The following LRRK2 variants were observed in gnomAD, a reference collection of about 807,000 sequenced individuals.
The protein encoded by LRRK2 is leucine-rich repeat serine/threonine-protein kinase 2.
A neutral mutation model predicts 302.6 loss-of-function variants in LRRK2; 203 were observed. The observed-to-expected ratio is 0.67, with a 90% CI of 0.60 to 0.75. The LOEUF (loss-of-function observed/expected upper bound fraction) is 0.75, where lower values mean the gene tolerates loss of function less well. Ranked by LOEUF, LRRK2 falls within the 30% of genes least tolerant of loss-of-function variation. The pLI is 0.00. For missense variants in LRRK2, 2,830 were observed against 2,951.0 expected, an observed-to-expected ratio of 0.96 and a Z score of 0.95; for synonymous variants, 1,066 against 1,031.9, an observed-to-expected ratio of 1.03 and a Z score of -0.63.
In LRRK2 at chr12:40,298,778, AATATATATAT is replaced by A. The variant is rs113272586; in HGVS notation, c.3347+297_3347+306del. On this transcript the variant is annotated intron_variant, in intron 24 of 50. Transcript: ENST00000298910. ...CAGAGGCGAGACTCTGTCTCAAAGA[AATATATATAT>A]ATATATATATAATATATGTATTATA... 9.1e-4 allele frequency among the ~76,000 whole-genome samples: 55 copies of A among 60,648 alleles called. 2 individuals carry two copies. Among genetic ancestry groups the A allele is most frequent in the African/African-American group, 3.4e-3 (55 of 16,020 alleles). The allele number at this position is 60,648 out of a possible 152,430, so 39.8% of individuals were successfully genotyped here.
At position 40,322,834 on chromosome 12, in the gene LRRK2, CAT is replaced by C. The variant is rs60750674; in HGVS notation, c.5509+325_5510-324del. On this transcript the variant is annotated intron_variant, in intron 37 of 50. Coordinates refer to ENST00000298910, the MANE Select transcript of LRRK2 (RefSeq NM_198578.4). Reference sequence around the variant, plus strand: ...ACAATACATGGACCTAATTTACCAACATGTCTGCCATATAATAACAGCTGCAG... The same window carrying C: ...ACAATACATGGACCTAATTTACCAACGTCTGCCATATAATAACAGCTGCAG... 0.15 allele frequency among the ~76,000 whole-genome samples: 22,760 copies of C among 151,994 alleles called. 1,869 individuals carry two copies. The highest frequency in any genetic ancestry group is 0.21 in the African/African-American group (8,720 of 41,458).
At position 40,359,344 on chromosome 12, in the gene LRRK2, A is replaced by C; in HGVS notation, c.6928A>C (p.Thr2310Pro). The C allele has an allele frequency of 9.3e-6, 15 of 1,613,372 alleles. No homozygotes were observed. The highest frequency in any genetic ancestry group is 1.3e-5 in the Non-Finnish European group (15 of 1,179,616). ...GTGTTTGAGTGAATCCACAAATTCA[A>C]CGGAAAGAAATGTAATGTGGGGAGG... Reference protein sequence around the residue: ...LMCLSESTNSTERNVMWGGCG... With the variant: ...LMCLSESTNSPERNVMWGGCG... The change falls in exon 47 of 51, where the codon ACG becomes CCG. Residue 2310 changes from threonine (T) to proline (P), a missense_variant. Transcript: ENST00000298910.
chr12:40,367,450 A>T (rs938761527), intron 50 of LRRK2, 194 bp from the exon 51 acceptor site: 2 of 443,832 alleles, frequency 4.5e-6, no homozygotes, highest in Non-Finnish European at 7.8e-6. Context: ...TTGAAATTTA[A>T]TAGTTTCTAT....
chr12:40,233,915 C>T (rs776868578), intron 3 of LRRK2, among the ~76,000 whole-genome samples: 1 of 152,182 alleles, frequency 6.6e-6, no homozygotes, highest in African/African-American at 2.4e-5. Context: ...GGTCAGAAAC[C>T]ATGCAGTTGT....
intron 39 of LRRK2, among the ~76,000 whole-genome samples, chr12:40,333,523 A>G (rs1318261550): frequency 6.6e-6 from 1 of 152,122 alleles, no homozygotes; most frequent in East Asian, 1.9e-4. Flanking sequence ...CAACAATGTC[A>G]TAAAAGAGGC....
Position 40,363,455 on chromosome 12 carries a change from C to G in LRRK2, c.7082C>G (p.Thr2361Ser). 1 of 1,612,094 alleles carries G rather than the reference C, an allele frequency of 6.2e-7. No homozygotes were observed. The highest frequency in any genetic ancestry group is 8.5e-7 in the Non-Finnish European group (1 of 1,178,770). The change falls in exon 48 of 51, where the codon ACT (threonine) becomes AGT (serine). Residue 2361 changes from threonine to serine, a missense_variant. Thr to Ser is a moderately conservative substitution (Grantham distance 58). This residue lies in a region of LRRK2 where 456 missense variants were observed against 456.3 expected (regional missense o/e 1.00). Transcript: ENST00000298910. ...AACATCATAACAGTGGTGGTAGACA[C>G]TGCTCTCTATATTGCTAAGCAAAAT... Reference protein sequence around the residue: ...DSNIITVVVDTALYIAKQNSP... With the variant: ...DSNIITVVVDSALYIAKQNSP...
intron 2 of LRRK2, 43 bp from the exon 3 acceptor site, chr12:40,232,231 A>G: frequency 7.2e-7 from 1 of 1,390,828 alleles, no homozygotes; most frequent in Non-Finnish European, 1.0e-6. Context: ...TGCTCTATTA[A>G]CATTCTTTAA....
At chr12:40,345,922 C>T (rs1375177499) in intron 41 of LRRK2, among the ~76,000 whole-genome samples, 1 of 152,102 alleles carries the variant, frequency 6.6e-6, no homozygotes, top group East Asian at 1.9e-4. Context: ...TTCTGTCTAT[C>T]CACGATTATG....
rs1940834977 is a variant in LRRK2, at chr12:40,225,646, G to T, written c.237+6G>T. The T allele has an allele frequency of 1.2e-6, 2 of 1,610,030 alleles. No homozygotes were observed. The highest frequency in any genetic ancestry group is 1.7e-6 in the Non-Finnish European group (2 of 1,176,484). ...GAGTCGCGAGTGTGCAGCAGGTAAAGGCATTGTTTTCACTTCAACTCATTC... is the reference window on the plus strand; with the variant it reads ...GAGTCGCGAGTGTGCAGCAGGTAAATGCATTGTTTTCACTTCAACTCATTC... On this transcript the variant is annotated splice_donor_region_variant and intron_variant, in intron 2 of 50. Coordinates refer to ENST00000298910, the MANE Select transcript of LRRK2 (RefSeq NM_198578.4).
intron 1 of LRRK2, 68 bp from the exon 2 acceptor site, chr12:40,225,487 G>T: frequency 7.0e-7 from 1 of 1,423,058 alleles, no homozygotes; most frequent in South Asian, 1.2e-5. Flanking sequence ...CCCCGTTTCA[G>T]ACTAAAAAGG....
At position 40,313,735 on chromosome 12, in the gene LRRK2, C is replaced by A. The variant is rs1945110846; in HGVS notation, c.4537-237C>A. 2.0e-5 allele frequency among the ~76,000 whole-genome samples: 3 copies of A among 151,730 alleles called. No homozygotes were observed. In the South Asian group the frequency reaches 6.2e-4, roughly 31 times the overall value. ...GGATAGCGAGATAAATATTTCCATA[C>A]TATTTTATTTGATATTTCCAAATTT... is the stretch of plus-strand genomic sequence containing the variant. On this transcript the variant is annotated intron_variant, in intron 31 of 50. Coordinates refer to ENST00000298910, the MANE Select transcript of LRRK2 (RefSeq NM_198578.4).
At chr12:40,304,689 T>C (rs993224757) in intron 27 of LRRK2, 3 of 152,480 alleles carry the variant, frequency 2.0e-5, no homozygotes, top group African/African-American at 7.2e-5. Context: ...AAGAGTGTTC[T>C]ATGGAATAGT....
intron 13 of LRRK2, among the ~76,000 whole-genome samples, chr12:40,259,998 T>G (rs1157118187): frequency 2.0e-5 from 3 of 152,170 alleles, no homozygotes; most frequent in Non-Finnish European, 4.4e-5. Context: ...ATCCTTTTCT[T>G]ACTCTATGAT....
intron 14 of LRRK2, 121 bp downstream of exon 14, chr12:40,264,022 A>G (rs865883116): frequency 8.4e-6 from 6 of 712,624 alleles, no homozygotes; most frequent in South Asian, 6.5e-5. Flanking sequence ...GGAGGAAGTC[A>G]TGTGGTTAGA....
intron 2 of LRRK2, among the ~76,000 whole-genome samples, chr12:40,226,270 A>AT (rs574193984): frequency 7.9e-5 from 12 of 151,768 alleles, no homozygotes; most frequent in Middle Eastern, 3.4e-3. Context: ...TGTATCTTGG[A>AT]TTTTTTTTTA....
Position 40,278,095 on chromosome 12 carries a change from T to C in LRRK2, c.2075T>C (p.Leu692Pro). The change falls in exon 18 of 51, where the codon CTA becomes CCA. Residue 692 changes from leucine to proline, a missense_variant. Physicochemically the swap from Leu to Pro is moderately conservative, Grantham distance 98 (BLOSUM62 -3). Around this residue, in one of 3 missense-constraint regions of LRRK2, gnomAD observed 2,121 missense variants for 2,148.0 expected, o/e 0.99. Coordinates refer to ENST00000298910, the MANE Select transcript of LRRK2 (RefSeq NM_198578.4). ...NIMEQKDQQF[L>P]NLCCKCFAKV... ...TCTCATTTCCACTCTTTTTAGTTTC[T>C]AAACCTCTGTTGCAAGTGTTTTGCA... The C allele has an allele frequency of 6.2e-7, 1 of 1,614,052 alleles. No homozygotes were observed. Among genetic ancestry groups the C allele is most frequent in the South Asian group, 1.1e-5 (1 of 91,086 alleles).
At chr12:40,239,458 G>A (rs1222831896) in intron 5 of LRRK2, among the ~76,000 whole-genome samples, 2 of 152,132 alleles carry the variant, frequency 1.3e-5, no homozygotes, top group Non-Finnish European at 2.9e-5. Flanking sequence ...CTTCTTCCTG[G>A]AAGGAGGGCT....
chr12:40,324,005 AG>A (rs888097163), intron 38 of LRRK2, among the ~76,000 whole-genome samples: 16 of 152,248 alleles, frequency 1.1e-4, no homozygotes, highest in African/African-American at 2.9e-4. Context: ...TGGGCCTAAA[AG>A]ATGTTTTTAA....
intron 16 of LRRK2, 40 bp downstream of exon 16, chr12:40,275,033 G>A (rs758099920): frequency 1.4e-5 from 23 of 1,611,582 alleles, no homozygotes; most frequent in Middle Eastern, 3.3e-4. Flanking sequence ...GAACTTGTGC[G>A]AATTTCACTT....
Sources: gnomAD v4.1 joint callset for allele counts (sites outside exome capture counted in the v4.1 genomes callset) on GRCh38, gnomAD v4.1.1 for gene constraint, gnomAD v4.1.1 regional missense constraint, MANE v1.5 for transcripts, NCBI Gene and HGNC (gene_info 2026-07-23, HGNC 2026-07-21) for gene names.